PCDHGA9: variants seen among roughly 807,000 people sequenced by gnomAD.
PCDHGA9 encodes protocadherin gamma subfamily A, 9.
PCDHGA9 carries 37 observed loss-of-function variants against 62.5 expected under a neutral mutation model. The observed-to-expected ratio is 0.59, with a 90% confidence interval of 0.46 to 0.78. The LOEUF (loss-of-function observed/expected upper bound fraction) is 0.78, where lower values mean the gene tolerates loss of function less well. PCDHGA9 is among the 30% of genes least tolerant of loss of function. The pLI, the probability that PCDHGA9 is intolerant of heterozygous loss-of-function variation, is 0.00. For missense variants in PCDHGA9, 1,138 were observed against 1,166.2 expected, an observed-to-expected ratio of 0.98 and a Z score of 0.35; for synonymous variants, 459 against 484.6, an observed-to-expected ratio of 0.95 and a Z score of 0.69.
At chr5:141,417,423 C>T (rs1252792899) in intron 1 of PCDHGA9, 1 of 159,686 alleles carries the variant, frequency 6.3e-6, no homozygotes, top group African/African-American at 2.4e-5. Context: ...TATGTAAATT[C>T]AGTAAATAAA....
At chr5:141,457,111 G>T (rs922281700) in intron 1 of PCDHGA9, among the ~76,000 whole-genome samples, 1 of 152,120 alleles carries the variant, frequency 6.6e-6, no homozygotes, top group African/African-American at 2.4e-5. Context: ...AGCAAAATAC[G>T]ACAGCAATGG....
At chr5:141,461,131 T>G (rs1372557827) in intron 1 of PCDHGA9, among the ~76,000 whole-genome samples, 1 of 152,094 alleles carries the variant, frequency 6.6e-6, no homozygotes, top group Non-Finnish European at 1.5e-5. Flanking sequence ...TATAATTACT[T>G]ATTTTCCTTT....
At chr5:141,445,768 T>A (rs2098476928) in intron 1 of PCDHGA9, among the ~76,000 whole-genome samples, 1 of 152,074 alleles carries the variant, frequency 6.6e-6, no homozygotes, top group Admixed American at 6.6e-5. Context: ...CTCAAGCAAT[T>A]TAAAAGGGCT....
chr5:141,454,880 T>C (rs1561957456), intron 1 of PCDHGA9, among the ~76,000 whole-genome samples: 1 of 137,862 alleles, frequency 7.3e-6, no homozygotes, highest in Non-Finnish European at 1.5e-5. Flanking sequence ...CGATCTTGGC[T>C]CACTGCTAGC....
chr5:141,485,762 G>A lies in PCDHGA9; in HGVS notation c.2425-9045G>A, dbSNP rs774145313. 3.1e-6 allele frequency: 5 copies of A among 1,614,226 alleles called. No homozygotes were observed. The highest frequency in any genetic ancestry group is 3.3e-5 in the Admixed American group (2 of 60,030). ...CAGCCTGGTCCCAGAGCTGCTCCTG[G>A]AGAAGCCTTTGGATCGAGAGAAGCA... On this transcript the variant is annotated intron_variant, in intron 1 of 3. Transcript: ENST00000573521. The surrounding 1 kb of genome is among the most constrained non-coding windows in gnomAD (Gnocchi z 5.7).
chr5:141,478,692 A>C (rs1459911657), intron 1 of PCDHGA9: 2 of 1,550,666 alleles, frequency 1.3e-6, no homozygotes, highest in African/African-American at 2.7e-5. Context: ...CCTAGATCAA[A>C]GTTAGTGCCT....
At chr5:141,501,423 A>C (rs1195105794) in intron 2 of PCDHGA9, among the ~76,000 whole-genome samples, 1 of 151,966 alleles carries the variant, frequency 6.6e-6, no homozygotes, top group Non-Finnish European at 1.5e-5. Flanking sequence ...AGTTGACTAA[A>C]TGTAGTCCAT....
intron 1 of PCDHGA9, chr5:141,427,221 T>C (rs1312743800): frequency 2.2e-6 from 1 of 456,628 alleles, no homozygotes; most frequent in Non-Finnish European, 4.4e-6. Context: ...TCGTAGCAGT[T>C]ATACCATGAG....
At chr5:141,482,528 T>C (rs945815289) in intron 1 of PCDHGA9, among the ~76,000 whole-genome samples, 1 of 56,520 alleles carries the variant, frequency 1.8e-5, no homozygotes, top group Non-Finnish European at 2.8e-5. Flanking sequence ...GAGACAGACA[T>C]GCAAAAAAAA....
At chr5:141,420,558 C>T (rs1373350109) in intron 1 of PCDHGA9, 1 of 248,240 alleles carries the variant, frequency 4.0e-6, no homozygotes, top group Non-Finnish European at 7.5e-6. Flanking sequence ...TATATTTTTA[C>T]GGCATGGTAT....
In PCDHGA9 at chr5:141,455,477, C is replaced by T. The variant is rs557286491; in HGVS notation, c.2425-39330C>T. On this transcript the variant is annotated intron_variant, in intron 1 of 3. Coordinates refer to ENST00000573521, the MANE Select transcript of PCDHGA9 (RefSeq NM_018921.3). ...TACCAGCCAGGTATATATGCAGAGG[C>T]TGGTGGAGGTGATGTCTGATTTGCA... Among the ~76,000 whole-genome samples the T allele has an allele frequency of 1.2e-4, 18 of 152,252 alleles. No homozygotes were observed. The South Asian group carries it at 3.7e-3, about 32-fold the overall frequency.
At chr5:141,423,066 C>T (rs1375575018) in intron 1 of PCDHGA9, 2 of 1,614,002 alleles carry the variant, frequency 1.2e-6, no homozygotes, top group South Asian at 1.1e-5. Context: ...TTAAGGCCAG[C>T]GAGCCGGGAC....
At chr5:141,478,332 G>A (rs773442842) in intron 1 of PCDHGA9, 1 of 1,613,924 alleles carries the variant, frequency 6.2e-7, no homozygotes, top group Non-Finnish European at 8.5e-7. Context: ...CGAACACCAG[G>A]GCCCTCCTTG....
At chr5:141,415,683 G>C in intron 1 of PCDHGA9, 1 of 1,517,194 alleles carries the variant, frequency 6.6e-7, no homozygotes, top group African/African-American at 1.4e-5. Flanking sequence ...TTTGCGGCAT[G>C]ATGGTGGAAA....
In PCDHGA9 at chr5:141,486,223, C is replaced by G. The variant is rs1164723634; in HGVS notation, c.2425-8584C>G. ...ACGTAAATGACAATGCCCCTTACATCACAGTGACCTCAGAGCTTGGAACCC... is the reference window on the plus strand; with the variant it reads ...ACGTAAATGACAATGCCCCTTACATGACAGTGACCTCAGAGCTTGGAACCC... On this transcript the variant is annotated intron_variant, in intron 1 of 3. Coordinates refer to ENST00000573521, the MANE Select transcript of PCDHGA9 (RefSeq NM_018921.3). The surrounding 1 kb of genome is among the most constrained non-coding windows in gnomAD (Gnocchi z 5.0). The G allele has an allele frequency of 6.2e-7, 1 of 1,614,148 alleles. No homozygotes were observed. Among genetic ancestry groups the G allele is most frequent in the Admixed American group, 1.7e-5 (1 of 60,032 alleles).
chr5:141,427,287 A>G (rs1030754713), intron 1 of PCDHGA9: 2 of 456,716 alleles, frequency 4.4e-6, no homozygotes, highest in African/African-American at 4.0e-5. Flanking sequence ...TATACTAGAA[A>G]TCCTAGATGA....
intron 1 of PCDHGA9, chr5:141,418,003 G>T (rs1441842557): frequency 6.2e-7 from 1 of 1,613,798 alleles, no homozygotes; most frequent in Non-Finnish European, 8.5e-7. Context: ...CGGTGGTGGG[G>T]AACCTCGCTA....
chr5:141,489,944 T>C lies in PCDHGA9; in HGVS notation c.2425-4863T>C. On this transcript the variant is annotated intron_variant, in intron 1 of 3. Coordinates refer to ENST00000573521, the MANE Select transcript of PCDHGA9 (RefSeq NM_018921.3). The surrounding 1 kb of genome is among the most constrained non-coding windows in gnomAD (Gnocchi z 4.5). Reference sequence around the variant, plus strand: ...CTTATCTCTGTCATCGTGCTGGACATCAATGATAATGCTCCAACCTTCCAA... The same window carrying C: ...CTTATCTCTGTCATCGTGCTGGACACCAATGATAATGCTCCAACCTTCCAA... 6.2e-7 allele frequency: 1 copy of C among 1,614,172 alleles called. No homozygotes were observed. Among genetic ancestry groups the C allele is most frequent in the Non-Finnish European group, 8.5e-7 (1 of 1,180,010 alleles).
intron 1 of PCDHGA9, chr5:141,479,399 T>C (rs2099494765): frequency 6.6e-6 from 1 of 152,576 alleles, no homozygotes; most frequent in African/African-American, 2.4e-5. Flanking sequence ...AGTTCTGGGC[T>C]GTGGTGCACT....
Sources: allele counts gnomAD v4.1 joint callset (sites outside exome capture counted in the v4.1 genomes callset), GRCh38; gene constraint gnomAD v4.1.1; non-coding constraint Gnocchi (gnomAD v3.1); transcripts MANE v1.5; gene names NCBI Gene and HGNC (gene_info 2026-07-23, HGNC 2026-07-21).